The following NRG4 variants were observed in gnomAD, a reference collection of about 807,000 sequenced individuals.
The protein encoded by NRG4 is neuregulin 4.
NRG4 carries 10 observed loss-of-function variants against 15.0 expected under a neutral mutation model. The ratio of observed to expected loss-of-function variants is 0.67; its 90% CI spans 0.41 to 1.13. NRG4 has a LOEUF of 1.13. Among genes scored for constraint, NRG4 ranks in the 50% most tolerant of loss-of-function variants. NRG4 has a pLI of 0.00. For missense variants in NRG4, 139 were observed against 140.2 expected (o/e 0.99, Z 0.04); for synonymous variants, 41 against 50.1 (o/e 0.82, Z 0.77).
At chr15:76,025,827 A>T (rs2035300803) in intron 5 of NRG4, among the ~76,000 whole-genome samples, 1 of 152,108 alleles carries the variant, frequency 6.6e-6, no homozygotes, top group African/African-American at 2.4e-5. Flanking sequence ...CAGTAAGCCA[A>T]AATCGCATCA....
intron 4 of NRG4, among the ~76,000 whole-genome samples, chr15:76,050,437 G>GTTTTTT (rs71444951): frequency 7.6e-5 from 7 of 91,872 alleles, no homozygotes; most frequent in Admixed American, 1.2e-4. Context: ...CCGAGCCTTC[G>GTTTTTT]TTTTTTTTTT....
chr15:76,016,256 G>A (rs2034973602), upstream of NRG4, among the ~76,000 whole-genome samples: 1 of 149,740 alleles, frequency 6.7e-6, no homozygotes, highest in Non-Finnish European at 1.5e-5. Context: ...TAGTCTAGCA[G>A]TCTATTTTAT....
intron 5 of NRG4, among the ~76,000 whole-genome samples, chr15:76,017,771 T>G (rs764917041): frequency 2.0e-5 from 3 of 152,194 alleles, no homozygotes; most frequent in Non-Finnish European, 4.4e-5. Context: ...TTTTCCTTCA[T>G]TTCAACCTTG....
chr15:75,963,936 C>T (rs1436973455), intron 3 of NRG4, among the ~76,000 whole-genome samples: 1 of 151,754 alleles, frequency 6.6e-6, no homozygotes, highest in Non-Finnish European at 1.5e-5. Context: ...GAGCAAGACC[C>T]TGTCTCAAAA....
At chr15:75,966,938 A>G (rs2032821346) in intron 3 of NRG4, among the ~76,000 whole-genome samples, 1 of 152,046 alleles carries the variant, frequency 6.6e-6, no homozygotes, top group Non-Finnish European at 1.5e-5. Context: ...AAGATGGTGA[A>G]ACCCCATCTC....
At chr15:76,016,343 C>T (rs1442955375), upstream of NRG4, among the ~76,000 whole-genome samples, 1 of 152,146 alleles carries the variant, frequency 6.6e-6, no homozygotes, top group Non-Finnish European at 1.5e-5. Context: ...CTCCTTCAGA[C>T]TGCTCTGATC....
At chr15:75,948,759 A>G (rs375685224) in intron 5 of NRG4, among the ~76,000 whole-genome samples, 1 of 151,194 alleles carries the variant, frequency 6.6e-6, no homozygotes, top group African/African-American at 2.4e-5. Flanking sequence ...TTTTTAAAGT[A>G]TGTAATTCAG....
At chr15:75,961,758 TATTA>T (rs1333038493) in intron 4 of NRG4, 66 bp downstream of exon 4, 1 of 1,062,178 alleles carries the variant, frequency 9.4e-7, no homozygotes, top group Non-Finnish European at 1.4e-6. Flanking sequence ...ACTAAGGGCA[TATTA>T]ATTATTTAGT....
intron 3 of NRG4, among the ~76,000 whole-genome samples, chr15:75,986,120 C>T (rs933962745): frequency 2.6e-5 from 4 of 152,160 alleles, no homozygotes; most frequent in African/African-American, 9.7e-5. Flanking sequence ...AATTAGACCA[C>T]ATATGCTGCT....
At chr15:76,012,860 ATAAAACTTG>A (rs1471980840), upstream of NRG4, among the ~76,000 whole-genome samples, 2 of 152,238 alleles carry the variant, frequency 1.3e-5, no homozygotes, top group African/African-American at 4.8e-5. Context: ...AATAGCTATA[ATAAAACTTG>A]TAACACCAAG....
At chr15:75,971,841 G>A (rs556773415) in intron 3 of NRG4, among the ~76,000 whole-genome samples, 1 of 152,258 alleles carries the variant, frequency 6.6e-6, no homozygotes, top group East Asian at 1.9e-4. Flanking sequence ...GTGTGCACGT[G>A]CCTTTATAGT....
chr15:76,039,684 C>T lies in NRG4; in HGVS notation c.-104-3693G>A, dbSNP rs149718155. ...GAGAAGGTAGAGAGAGGGGTAGAAA[C>T]TTTATTCAAAGGGATAATAAGAGAG... On this transcript the variant is annotated intron_variant, in intron 4 of 8. Transcript: ENST00000563910. Among the ~76,000 whole-genome samples, 864 of 152,224 alleles carry T rather than the reference C, an allele frequency of 5.7e-3. 5 individuals are homozygous for T. The highest frequency in any genetic ancestry group is 7.6e-3 in the Non-Finnish European group (514 of 67,996).
chr15:75,971,952 C>T (rs553512540), intron 3 of NRG4, among the ~76,000 whole-genome samples: 1 of 152,290 alleles, frequency 6.6e-6, no homozygotes, highest in African/African-American at 2.4e-5. Context: ...ACACTGTCTT[C>T]CACAATGGTT....
chr15:76,025,442 A>G (rs2141933846), intron 5 of NRG4, among the ~76,000 whole-genome samples: 1 of 152,256 alleles, frequency 6.6e-6, no homozygotes, highest in South Asian at 2.1e-4. Flanking sequence ...CTGTCTCAAA[A>G]AAAAGAGAAT....
chr15:75,955,803 A>AC (rs2032202985), intron 5 of NRG4, 129 bp downstream of exon 5: 1 of 512,200 alleles, frequency 2.0e-6, no homozygotes, highest in African/African-American at 2.0e-5. Context: ...AAAAAAAAAA[A>AC]AAAAAACCCA....
intron 5 of NRG4, among the ~76,000 whole-genome samples, chr15:76,021,377 A>G (rs1311900413): frequency 2.0e-5 from 3 of 152,242 alleles, no homozygotes; most frequent in African/African-American, 2.4e-5. Flanking sequence ...TTTTTTAGAC[A>G]TAATGCTACT....
At chr15:76,060,163 C>T (rs115446795), upstream of NRG4, 1,566 of 152,334 alleles carry the variant, frequency 0.01, 16 homozygotes, top group Non-Finnish European at 0.014. Context: ...ACCTTCATCC[C>T]CCTGGCCGGG....
intron 3 of NRG4, among the ~76,000 whole-genome samples, chr15:76,005,106 G>A (rs2034549608): frequency 6.6e-6 from 1 of 152,152 alleles, no homozygotes; most frequent in Non-Finnish European, 1.5e-5. Flanking sequence ...GGATGAAGTG[G>A]CTCATGCCTG....
At chr15:76,031,185 A>C (rs1426786312) in intron 5 of NRG4, among the ~76,000 whole-genome samples, 1 of 152,208 alleles carries the variant, frequency 6.6e-6, no homozygotes, top group Non-Finnish European at 1.5e-5. Context: ...ATGAGGGAAA[A>C]AAAATCTCCA....
Sources: gnomAD v4.1 joint callset for allele counts (sites outside exome capture counted in the v4.1 genomes callset) on GRCh38, gnomAD v4.1.1 for gene constraint, MANE v1.5 for transcripts, NCBI Gene and HGNC (gene_info 2026-07-23, HGNC 2026-07-21) for gene names.